The following MED12L variants were observed in gnomAD, a reference collection of about 807,000 sequenced individuals.
MED12L encodes mediator complex subunit 12L.
In MED12L, 60 loss-of-function variants were observed where a neutral mutation model predicts 281.3. That is an observed-to-expected ratio of 0.21 (90% CI 0.17 to 0.26). The LOEUF is 0.26. MED12L is among the 10% of genes least tolerant of loss of function. The pLI, the probability that MED12L is intolerant of heterozygous loss-of-function variation, is 1.00. For synonymous variants in MED12L, 974 were observed against 987.2 expected (o/e 0.99, Z 0.25); for missense variants, 2,146 against 2,680.9 (o/e 0.80, Z 4.41).
At chr3:151,155,067 G>A (rs977304390) in intron 5 of MED12L, among the ~76,000 whole-genome samples, 1 of 152,090 alleles carries the variant, frequency 6.6e-6, no homozygotes, top group Non-Finnish European at 1.5e-5. Context: ...TAATTTTAAG[G>A]GTATTTAAAA....
At chr3:151,319,035 C>T (rs570059977) in intron 16 of MED12L, among the ~76,000 whole-genome samples, 26 of 152,044 alleles carry the variant, frequency 1.7e-4, no homozygotes, top group Non-Finnish European at 3.4e-4. Context: ...TGGCTGGCAG[C>T]GCAAATTTAG....
At chr3:151,270,551 A>G (rs1399859514) in intron 16 of MED12L, among the ~76,000 whole-genome samples, 2 of 152,186 alleles carry the variant, frequency 1.3e-5, no homozygotes, top group Non-Finnish European at 2.9e-5. Context: ...TATTATGCTC[A>G]GAACACTGTG....
Position 151,108,235 on chromosome 3 carries a change from G to C in MED12L, c.100-8103G>C, listed in dbSNP as rs192430232. On this transcript the variant is annotated intron_variant, in intron 2 of 44. Transcript: ENST00000687756. ...AACAGCTGCCTCAGTTGGTAGGGGT[G>C]GGGTGAGGGGCAGGTGGTGGGTGGG... is the stretch of plus-strand genomic sequence containing the variant. Among the ~76,000 whole-genome samples, 211 of 151,840 alleles carry C rather than the reference G, an allele frequency of 1.4e-3. 5 individuals carry two copies. The East Asian group carries it at 0.037, about 26-fold the overall frequency.
At chr3:151,206,858 A>T (rs1726450875) in intron 16 of MED12L, among the ~76,000 whole-genome samples, 1 of 151,426 alleles carries the variant, frequency 6.6e-6, no homozygotes, top group Non-Finnish European at 1.5e-5. Flanking sequence ...GTTAGCCAGG[A>T]TGGTTTCGAT....
chr3:151,109,119 G>A lies in MED12L; in HGVS notation c.100-7219G>A, dbSNP rs975327559. On this transcript the variant is annotated intron_variant, in intron 2 of 44. Coordinates refer to ENST00000687756, the MANE Select transcript of MED12L (RefSeq NM_001393769.1). The stretch of plus-strand genomic sequence containing the variant: ...GTCGCCCAGGCTGGAGTGCAGTGGC[G>A]CAATCTCGGCTCACTGCAACCTCTG... Among the ~76,000 whole-genome samples, 6 of 151,644 alleles carry A rather than the reference G, an allele frequency of 4.0e-5. No individual in the cohort carries two copies. In the East Asian group the frequency reaches 1.2e-3, roughly 30 times the overall value.
intron 5 of MED12L, among the ~76,000 whole-genome samples, chr3:151,149,210 C>T (rs970755825): frequency 1.3e-5 from 2 of 152,038 alleles, no homozygotes; most frequent in South Asian, 2.1e-4. Context: ...AGACGGGAGA[C>T]AAAGCCCTGC....
chr3:151,369,357 A>G, intron 25 of MED12L, 79 bp from the exon 26 acceptor site: 1 of 978,996 alleles, frequency 1.0e-6, no homozygotes, highest in Non-Finnish European at 1.5e-6. Flanking sequence ...CTAACAATGA[A>G]AGGCTGACTG....
intron 38 of MED12L, among the ~76,000 whole-genome samples, chr3:151,392,081 C>G (rs1036533863): frequency 1.3e-5 from 2 of 152,180 alleles, no homozygotes; most frequent in Non-Finnish European, 2.9e-5. Flanking sequence ...AAGCTAACTA[C>G]TTTGTAAAAG....
chr3:151,143,434 A>G (rs1012378356), intron 5 of MED12L, among the ~76,000 whole-genome samples: 15 of 152,180 alleles, frequency 9.9e-5, no homozygotes, highest in African/African-American at 3.6e-4. Context: ...TAGTTTGTTT[A>G]TTTTTGCTCC....
chr3:151,198,136 G>A (rs1218924421), intron 16 of MED12L: 6 of 236,268 alleles, frequency 2.5e-5, no homozygotes, highest in Non-Finnish European at 8.2e-6. Flanking sequence ...TTGGGTCTAT[G>A]TCATGGACCT....
At chr3:151,178,157 C>CACA (rs767097879) in intron 11 of MED12L, among the ~76,000 whole-genome samples, 2 of 49,170 alleles carry the variant, frequency 4.1e-5, no homozygotes, top group African/African-American at 1.3e-4. Flanking sequence ...GACTTGGTCT[C>CACA]AAAAAAAAAA....
chr3:151,260,229 T>A (rs1347701480), intron 16 of MED12L, among the ~76,000 whole-genome samples: 1 of 152,212 alleles, frequency 6.6e-6, no homozygotes, highest in Non-Finnish European at 1.5e-5. Context: ...TTATCTAGCC[T>A]AATTAAATTG....
At chr3:151,299,612 G>C (rs1405821863) in intron 16 of MED12L, among the ~76,000 whole-genome samples, 1 of 151,556 alleles carries the variant, frequency 6.6e-6, no homozygotes, top group Non-Finnish European at 1.5e-5. Flanking sequence ...CTGAGTAGCA[G>C]GGACTACAGA....
intron 16 of MED12L, among the ~76,000 whole-genome samples, chr3:151,210,932 G>C (rs976030048): frequency 1.3e-5 from 2 of 152,138 alleles, no homozygotes; most frequent in Admixed American, 1.3e-4. Context: ...TGTAAGCCTC[G>C]GTGGGCACCC....
chr3:151,425,223 G>A (rs1405074926), intron 43 of MED12L, among the ~76,000 whole-genome samples: 2 of 152,128 alleles, frequency 1.3e-5, no homozygotes, highest in African/African-American at 2.4e-5. Flanking sequence ...TTTCGCTGAC[G>A]GGGCAAGCTC....
In MED12L at chr3:151,434,037, A is replaced by T. The variant is rs1433701356; in HGVS notation, c.*1233A>T. On this transcript the variant is annotated 3_prime_UTR_variant, in exon 45 of 45. Coordinates refer to ENST00000687756, the MANE Select transcript of MED12L (RefSeq NM_001393769.1). ...GTAACTTAAGAGTATTCTATATAATATTTTTTTAGATTTAGATGCATAAAA... is the reference window on the plus strand; with the variant it reads ...GTAACTTAAGAGTATTCTATATAATTTTTTTTTAGATTTAGATGCATAAAA... 1 of 152,532 alleles carries T rather than the reference A, an allele frequency of 6.6e-6. No individual in the cohort carries two copies. Among genetic ancestry groups the T allele is most frequent in the Non-Finnish European group, 1.5e-5 (1 of 68,026 alleles). The allele number at this position is 152,532 out of a possible 1,614,324, so 9.4% of individuals were successfully genotyped here.
At chr3:151,118,145 T>C (rs1337899712) in intron 3 of MED12L, among the ~76,000 whole-genome samples, 2 of 151,210 alleles carry the variant, frequency 1.3e-5, no homozygotes, top group East Asian at 1.9e-4. Context: ...CTATTTGTAA[T>C]CTTTTAGGGT....
intron 16 of MED12L, among the ~76,000 whole-genome samples, chr3:151,313,065 A>G (rs1267780507): frequency 1.3e-5 from 2 of 152,142 alleles, no homozygotes; most frequent in Non-Finnish European, 2.9e-5. Flanking sequence ...CTTTGAGCAG[A>G]TATGTGCTGT....
In MED12L at chr3:151,173,140, G is replaced by A. The variant is rs190604205; in HGVS notation, c.1494+7158G>A. ...ACAACGAGCCCTGTTTTAGTGTTAT[G>A]TCATCTTATTTAGTTTTTCCCTGGC... On this transcript the variant is annotated intron_variant, in intron 11 of 44. Transcript: ENST00000687756. Among the ~76,000 whole-genome samples, 80 of 150,722 alleles carry A rather than the reference G, an allele frequency of 5.3e-4. 1 individual carries two copies. The highest frequency in any genetic ancestry group is 1.3e-4 in the Non-Finnish European group (9 of 67,734).
Sources: allele counts gnomAD v4.1 joint callset (sites outside exome capture counted in the v4.1 genomes callset), GRCh38; gene constraint gnomAD v4.1.1; transcripts MANE v1.5; gene names NCBI Gene and HGNC (gene_info 2026-07-23, HGNC 2026-07-21).